The following IKZF2 variants were observed in gnomAD, a reference collection of about 807,000 sequenced individuals.
The protein encoded by IKZF2 is IKAROS family zinc finger 2.
IKZF2 carries 15 observed loss-of-function variants against 49.2 expected under a neutral mutation model. The observed-to-expected ratio is 0.30, with a 90% CI of 0.20 to 0.47. The LOEUF (loss-of-function observed/expected upper bound fraction) is 0.47, where lower values mean the gene tolerates loss of function less well. Among genes scored for constraint, IKZF2 ranks in the 20% least tolerant of loss-of-function variants. The probability of loss-of-function intolerance (pLI) is 1.00; values close to 1 mark genes in which losing one functional copy is unlikely to be tolerated. For synonymous variants in IKZF2, 227 were observed against 221.4 expected, an observed-to-expected ratio of 1.03 and a Z score of -0.23; for missense variants, 567 against 664.6, an observed-to-expected ratio of 0.85 and a Z score of 1.61.
chr2:213,030,115 C>T (rs1241283881), intron 6 of IKZF2, among the ~76,000 whole-genome samples: 6 of 151,982 alleles, frequency 3.9e-5, no homozygotes, highest in African/African-American at 1.2e-4. Flanking sequence ...CTTGACTTAC[C>T]TATTTGACTT....
chr2:213,041,467 T>G (rs1451849016), intron 6 of IKZF2, among the ~76,000 whole-genome samples: 1 of 152,042 alleles, frequency 6.6e-6, no homozygotes, highest in Non-Finnish European at 1.5e-5. Context: ...CACGCCCAGA[T>G]AATTTTTTGT....
chr2:213,127,194 GT>G (rs561592654), intron 4 of IKZF2, among the ~76,000 whole-genome samples: 23 of 152,290 alleles, frequency 1.5e-4, no homozygotes, highest in Middle Eastern at 3.4e-3. Flanking sequence ...TATGAAAACT[GT>G]AAATAAAATG....
rs1343903633 is a variant in IKZF2 at position 213,021,979 on chromosome 2, C to T, written c.712+14G>A. The stretch of plus-strand genomic sequence containing the variant: ...TAGGGGGAAATAAAAATGATGAATC[C>T]AGTTTCTACCCACCATGGTGACTCA... On this transcript the variant is annotated intron_variant, in intron 7 of 8. Coordinates refer to ENST00000434687, the MANE Select transcript of IKZF2 (RefSeq NM_001387220.1). 6.3e-7 allele frequency: 1 copy of T among 1,597,910 alleles called. No individual in the cohort carries two copies. The highest frequency in any genetic ancestry group is 8.5e-7 in the Non-Finnish European group (1 of 1,174,520).
At chr2:213,096,747 C>T (rs973583720) in intron 4 of IKZF2, among the ~76,000 whole-genome samples, 11 of 151,956 alleles carry the variant, frequency 7.2e-5, no homozygotes, top group African/African-American at 1.9e-4. Context: ...GAGAGGCAAG[C>T]GCATTATAAA....
chr2:213,093,945 A>G (rs79167296), intron 4 of IKZF2, among the ~76,000 whole-genome samples: 1 of 152,298 alleles, frequency 6.6e-6, no homozygotes. Context: ...GGAAGTTAGT[A>G]AAAGTTTCAA....
At chr2:213,025,061 G>C (rs1233523857) in intron 6 of IKZF2, among the ~76,000 whole-genome samples, 1 of 151,982 alleles carries the variant, frequency 6.6e-6, no homozygotes, top group Non-Finnish European at 1.5e-5. Context: ...AAAAGTCAGT[G>C]GTCTCTGAAT....
chr2:213,026,932 G>A lies in IKZF2; in HGVS notation c.575-4802C>T, dbSNP rs746845143. 9.2e-5 allele frequency among the ~76,000 whole-genome samples: 14 copies of A among 151,800 alleles called. 1 individual carries two copies. The highest frequency in any genetic ancestry group is 2.7e-4 in the African/African-American group (11 of 41,392). ...ATTCTGAGTCCTTTTCTTTTATTAC[G>A]TTAATGATTATTTTTCTTTTTACCA... On this transcript the variant is annotated intron_variant, in intron 6 of 8. Coordinates refer to ENST00000434687, the MANE Select transcript of IKZF2 (RefSeq NM_001387220.1).
chr2:213,018,824 C>A (rs1290299983), intron 7 of IKZF2, among the ~76,000 whole-genome samples: 2 of 152,034 alleles, frequency 1.3e-5, no homozygotes, highest in Non-Finnish European at 2.9e-5. Flanking sequence ...CTGTATCCTG[C>A]CTGATATATG....
At position 213,150,702 on chromosome 2, in the gene IKZF2, AGG is replaced by A. The variant is rs368805396; in HGVS notation, c.-119-457_-119-456del. On this transcript the variant is annotated intron_variant, in intron 1 of 8. Coordinates refer to ENST00000434687, the MANE Select transcript of IKZF2 (RefSeq NM_001387220.1). ...GCTAAGACAAGAAAACTGAAAGAAA[AGG>A]GGGGGGGGGCGGGTAGAGGGGAGGG... Among the ~76,000 whole-genome samples, 32 of 39,752 alleles carry A rather than the reference AGG, an allele frequency of 8.0e-4. No homozygotes were observed. In the East Asian group the frequency reaches 0.021, roughly 26 times the overall value. 26.1% of individuals were successfully genotyped at this position (39,752 alleles called of 152,430 possible).
chr2:213,113,724 C>G (rs954731618), intron 4 of IKZF2, among the ~76,000 whole-genome samples: 1 of 152,034 alleles, frequency 6.6e-6, no homozygotes, highest in Non-Finnish European at 1.5e-5. Context: ...TGATACTTGG[C>G]ACATACGTTT....
intron 4 of IKZF2, among the ~76,000 whole-genome samples, chr2:213,120,580 C>T (rs1235377507): frequency 6.6e-6 from 1 of 152,146 alleles, no homozygotes; most frequent in Non-Finnish European, 1.5e-5. Flanking sequence ...TATTAGACTG[C>T]ATTCCTCAGG....
At chr2:213,108,003 G>A (rs750267539) in intron 4 of IKZF2, among the ~76,000 whole-genome samples, 22 of 152,156 alleles carry the variant, frequency 1.4e-4, no homozygotes, top group Non-Finnish European at 2.4e-4. Flanking sequence ...AAGCAACAAC[G>A]GCCGTGAAAC....
intron 4 of IKZF2, among the ~76,000 whole-genome samples, chr2:213,135,582 C>T (rs967543858): frequency 1.3e-5 from 2 of 150,304 alleles, no homozygotes; most frequent in African/African-American, 4.9e-5. Context: ...CCTGTAGCCC[C>T]AGATACTTGA....
chr2:213,017,145 C>T (rs1696698321), intron 7 of IKZF2: 1 of 152,092 alleles, frequency 6.6e-6, no homozygotes, highest in African/African-American at 2.4e-5. Context: ...TTCCATGTTC[C>T]TACTCTGCTC....
rs887682741 is a variant in IKZF2, at chr2:213,003,691, T to C, written c.*3669A>G. On this transcript the variant is annotated 3_prime_UTR_variant, in exon 9 of 9. Transcript: ENST00000434687. ...TAATTTTCATCTAAATGCCTTAATCTGATGTAAATTTTGTTAAACATTTAT... is the reference window on the plus strand; with the variant it reads ...TAATTTTCATCTAAATGCCTTAATCCGATGTAAATTTTGTTAAACATTTAT... 1 of 151,754 alleles carries C rather than the reference T, an allele frequency of 6.6e-6. No individual in the cohort carries two copies. The highest frequency in any genetic ancestry group is 1.5e-5 in the Non-Finnish European group (1 of 67,746). 9.4% of individuals were successfully genotyped at this position (151,754 alleles called of 1,614,324 possible). A position where few individuals can be genotyped will look rare whatever the true frequency, so the allele number is the denominator to read the frequency against.
chr2:213,068,088 T>C (rs1419355952), intron 4 of IKZF2, among the ~76,000 whole-genome samples: 1 of 152,056 alleles, frequency 6.6e-6, no homozygotes, highest in Non-Finnish European at 1.5e-5. Flanking sequence ...GTGAAACATA[T>C]TAAAGTGATG....
At chr2:213,030,323 T>A (rs1025391935) in intron 6 of IKZF2, among the ~76,000 whole-genome samples, 1 of 152,090 alleles carries the variant, frequency 6.6e-6, no homozygotes, top group Non-Finnish European at 1.5e-5. Flanking sequence ...TTTAATGAAA[T>A]GATTAAGTGG....
intron 6 of IKZF2, among the ~76,000 whole-genome samples, chr2:213,047,949 G>A (rs766969978): frequency 1.5e-4 from 23 of 151,976 alleles, no homozygotes; most frequent in Non-Finnish European, 3.2e-4. Context: ...TATTTGATTG[G>A]AAGAAGAACA....
At chr2:213,113,414 T>C (rs527723628) in intron 4 of IKZF2, among the ~76,000 whole-genome samples, 83 of 152,284 alleles carry the variant, frequency 5.5e-4, no homozygotes, top group African/African-American at 1.6e-3. Flanking sequence ...CTCAGTTTTT[T>C]TGGGGCCTCT....
Sources: allele counts gnomAD v4.1 joint callset (sites outside exome capture counted in the v4.1 genomes callset), GRCh38; gene constraint gnomAD v4.1.1; transcripts MANE v1.5; gene names NCBI Gene and HGNC (gene_info 2026-07-23, HGNC 2026-07-21).